ZFHX3: variants seen among roughly 807,000 people sequenced by gnomAD.
ZFHX3 encodes the protein zinc finger homeobox protein 3.
In ZFHX3, 42 loss-of-function variants were observed where a neutral mutation model predicts 279.1. The observed-to-expected ratio is 0.15, with a 90% CI of 0.12 to 0.19. ZFHX3 has a LOEUF of 0.19. ZFHX3 is among the 10% of genes least tolerant of loss of function. The pLI is 1.00. For missense variants in ZFHX3, 4,981 were observed against 4,754.0 expected (o/e 1.05, Z -1.40); for synonymous variants, 2,293 against 1,957.8 (o/e 1.17, Z -4.52).
chr16:73,593,459 T>C lies in ZFHX3; in HGVS notation c.-1547+86721A>G, dbSNP rs1458960618. Reference sequence around the variant, plus strand: ...TTTTATCCCAGAAATGAAGAGTTTATTTATCATTAGAAAATTAATTACAGC... The same window carrying C: ...TTTTATCCCAGAAATGAAGAGTTTACTTATCATTAGAAAATTAATTACAGC... On this transcript the variant is annotated intron_variant, in intron 2 of 17. Transcript: ENST00000641206. 2.0e-5 allele frequency among the ~76,000 whole-genome samples: 3 copies of C among 152,146 alleles called. No individual in the cohort carries two copies. The East Asian group carries it at 5.8e-4, about 29-fold the overall frequency.
chr16:73,261,533 A>C (rs2013823671), intron 4 of ZFHX3, among the ~76,000 whole-genome samples: 1 of 152,162 alleles, frequency 6.6e-6, no homozygotes, highest in African/African-American at 2.4e-5. Context: ...ATAAAGCATT[A>C]TTTTAACCTA....
intron 3 of ZFHX3, among the ~76,000 whole-genome samples, chr16:73,322,470 T>A (rs1323222447): frequency 6.6e-6 from 1 of 152,170 alleles, no homozygotes; most frequent in Non-Finnish European, 1.5e-5. Context: ...ATAGGACACC[T>A]AGAGAAGAAT....
Position 73,511,426 on chromosome 16 carries a change from C to A in ZFHX3, c.-1546-55168G>T, listed in dbSNP as rs193180619. ...AAAATCCTGACATGCAGTAGCATCC[C>A]AGTCCTAAGATCCTCACCTGTCTTG... is the stretch of plus-strand genomic sequence containing the variant. On this transcript the variant is annotated intron_variant, in intron 2 of 17. Coordinates refer to the ZFHX3 transcript ENST00000641206. 1.1e-4 allele frequency among the ~76,000 whole-genome samples: 17 copies of A among 152,314 alleles called. No individual in the cohort carries two copies. The East Asian group carries it at 3.1e-3, about 28-fold the overall frequency.
At chr16:73,716,055 A>G (rs1344292024) in intron 1 of ZFHX3, among the ~76,000 whole-genome samples, 1 of 152,126 alleles carries the variant, frequency 6.6e-6, no homozygotes, top group African/African-American at 2.4e-5. Context: ...TCTTTTGTCT[A>G]TTTCCATCAA....
intron 1 of ZFHX3, among the ~76,000 whole-genome samples, chr16:73,797,885 G>A (rs967913219): frequency 7.0e-6 from 1 of 142,024 alleles, no homozygotes; most frequent in Non-Finnish European, 1.5e-5. Flanking sequence ...TACAATCTTG[G>A]CTCACTCAAC....
At chr16:72,905,505 T>C (rs1287492866) in intron 3 of ZFHX3, among the ~76,000 whole-genome samples, 1 of 152,034 alleles carries the variant, frequency 6.6e-6, no homozygotes, top group Admixed American at 6.5e-5. Context: ...TGACAAATAA[T>C]TGCAAGATTC....
chr16:72,867,058 C>A (rs921349016), intron 4 of ZFHX3, among the ~76,000 whole-genome samples: 2 of 152,162 alleles, frequency 1.3e-5, no homozygotes, highest in African/African-American at 4.8e-5. Context: ...ACCTCATTGG[C>A]ATGAATGTTT....
At chr16:73,867,372 C>T (rs944439220) in intron 1 of ZFHX3, among the ~76,000 whole-genome samples, 2 of 152,162 alleles carry the variant, frequency 1.3e-5, no homozygotes, top group African/African-American at 4.8e-5. Context: ...CTCACCCATG[C>T]ACCTAGACAT....
At chr16:73,063,153 A>G (rs1342413736), upstream of ZFHX3, among the ~76,000 whole-genome samples, 1 of 152,134 alleles carries the variant, frequency 6.6e-6, no homozygotes, top group African/African-American at 2.4e-5. Context: ...TGCCGGGGTC[A>G]GAGGCGCCGC....
At chr16:73,289,211 C>A (rs1028292416) in intron 4 of ZFHX3, among the ~76,000 whole-genome samples, 2 of 151,606 alleles carry the variant, frequency 1.3e-5, no homozygotes, top group African/African-American at 4.9e-5. Flanking sequence ...AGGAAAATGC[C>A]GCTGTCTGGC....
intron 1 of ZFHX3, among the ~76,000 whole-genome samples, chr16:73,697,215 C>T (rs942068303): frequency 6.7e-6 from 1 of 150,058 alleles, no homozygotes; most frequent in Admixed American, 6.6e-5. Flanking sequence ...GAATTCTAAC[C>T]TCTTTTTTTT....
chr16:72,849,242 G>GC lies in ZFHX3; in HGVS notation c.3449-19384dup, dbSNP rs71391461. Among the ~76,000 whole-genome samples the GC allele has an allele frequency of 4.9e-3, 747 of 152,190 alleles. 4 individuals carry two copies. The highest frequency in any genetic ancestry group is 7.7e-3 in the Non-Finnish European group (526 of 67,994). ...CCGGGAACTCAGTCATTCCATTTAC[G>GC]CCCCTAACAGCCCCTGAGAGACTTG... On this transcript the variant is annotated intron_variant, in intron 4 of 9. Transcript: ENST00000268489.
intron 1 of ZFHX3, among the ~76,000 whole-genome samples, chr16:72,962,845 T>A (rs1232567005): frequency 6.6e-6 from 1 of 151,922 alleles, no homozygotes; most frequent in Non-Finnish European, 1.5e-5. Context: ...AGATTCCCTG[T>A]GGTCCCTGGG....
intron 3 of ZFHX3, among the ~76,000 whole-genome samples, chr16:73,436,428 A>T (rs1461244313): frequency 6.6e-6 from 1 of 152,182 alleles, no homozygotes; most frequent in Non-Finnish European, 1.5e-5. Flanking sequence ...ACAAGAGAGA[A>T]TGAGAACCAA....
Position 72,958,860 on chromosome 16 carries a change from T to G in ZFHX3, c.1286A>C (p.Lys429Thr), listed in dbSNP as rs766017968. 3.7e-6 allele frequency: 6 copies of G among 1,613,596 alleles called. No individual in the cohort carries two copies. The Admixed American group carries it at 6.7e-5, about 18-fold the overall frequency. Residue 429 changes from lysine (K) to threonine (T), a missense_variant, in exon 2 of 10, where the codon AAA becomes ACA. Lys to Thr is a moderately conservative substitution (Grantham distance 78). This residue lies in a region of ZFHX3 where 1,068 missense variants were observed against 935.2 expected (regional missense o/e 1.14). Transcript: ENST00000268489. ...PLGPLASSPTKSSEGKDSGAA... is the reference protein window; with the variant it reads ...PLGPLASSPTTSSEGKDSGAA... The stretch of plus-strand genomic sequence containing the variant: ...CCCAGAGTCCTTGCCCTCTGAGGAT[T>G]TGGTAGGACTGGAAGCCAGAGGCCC...
intron 3 of ZFHX3, among the ~76,000 whole-genome samples, chr16:73,422,777 C>T (rs2017741612): frequency 6.6e-6 from 1 of 152,230 alleles, no homozygotes. Context: ...CATTCCCAAT[C>T]TCCATTGAAT....
chr16:73,314,683 G>C (rs139563351), intron 4 of ZFHX3, among the ~76,000 whole-genome samples: 2 of 152,290 alleles, frequency 1.3e-5, no homozygotes, highest in East Asian at 3.9e-4. Flanking sequence ...TGACATCCCT[G>C]AGCTGCTCCT....
At chr16:73,831,120 T>C (rs1960984443) in intron 1 of ZFHX3, among the ~76,000 whole-genome samples, 1 of 152,064 alleles carries the variant, frequency 6.6e-6, no homozygotes, top group African/African-American at 2.4e-5. Flanking sequence ...CTACAAACAT[T>C]CTAGAGCTTC....
intron 2 of ZFHX3, among the ~76,000 whole-genome samples, chr16:73,577,602 C>A (rs1178308592): frequency 2.6e-5 from 4 of 152,152 alleles, no homozygotes; most frequent in African/African-American, 9.7e-5. Flanking sequence ...CCAAAAAATT[C>A]TAAAAAGAGC....
Sources: allele counts gnomAD v4.1 joint callset (sites outside exome capture counted in the v4.1 genomes callset), GRCh38; gene constraint gnomAD v4.1.1; regional missense constraint gnomAD v4.1.1; transcripts MANE v1.5; gene names NCBI Gene and HGNC (gene_info 2026-07-23, HGNC 2026-07-21).